The following LDLRAD4 variants were observed in gnomAD, a reference collection of about 807,000 sequenced individuals.
The protein encoded by LDLRAD4 is low-density lipoprotein receptor class A domain-containing protein 4.
Under a neutral mutation model 17.0 loss-of-function variants are expected in LDLRAD4, and 5 were observed. That is an observed-to-expected ratio of 0.29 (90% CI 0.15 to 0.62). The LOEUF is 0.62. Among genes scored for constraint, LDLRAD4 ranks in the 20% least tolerant of loss-of-function variants. The probability of loss-of-function intolerance (pLI) is 0.84; values close to 1 mark genes in which losing one functional copy is unlikely to be tolerated. For synonymous variants in LDLRAD4, 168 were observed against 171.8 expected (o/e 0.98, Z 0.17); for missense variants, 340 against 424.7 (o/e 0.80, Z 1.75).
intron 1 of LDLRAD4, among the ~76,000 whole-genome samples, chr18:13,361,414 A>C (rs1453558478): frequency 6.6e-6 from 1 of 152,180 alleles, no homozygotes; most frequent in Non-Finnish European, 1.5e-5. Flanking sequence ...AGAAGGGTAT[A>C]TATCTTTCCT....
intron 1 of LDLRAD4, among the ~76,000 whole-genome samples, chr18:13,306,665 C>T (rs1211904704): frequency 1.3e-5 from 2 of 152,316 alleles, no homozygotes; most frequent in East Asian, 1.9e-4. Flanking sequence ...GAAGGTGCCA[C>T]TGTTGTAACA....
At chr18:13,325,792 G>A (rs4797762) in intron 1 of LDLRAD4, among the ~76,000 whole-genome samples, 6 of 149,898 alleles carry the variant, frequency 4.0e-5, no homozygotes, top group East Asian at 3.9e-4. Flanking sequence ...TTGCTCTGTC[G>A]CCCAGGCTGG....
At chr18:13,488,629 T>C (rs1037885985) in intron 3 of LDLRAD4, 2 of 152,250 alleles carry the variant, frequency 1.3e-5, no homozygotes, top group African/African-American at 4.8e-5. Flanking sequence ...CTAGTTCTTG[T>C]TTCCCATCAC....
chr18:13,489,838 T>C (rs1600768140), intron 3 of LDLRAD4: 1 of 152,182 alleles, frequency 6.6e-6, no homozygotes, highest in East Asian at 1.9e-4. Context: ...TTTGCTGCTT[T>C]TAACACGAGT....
chr18:13,384,334 G>A (rs1182737940), intron 1 of LDLRAD4, among the ~76,000 whole-genome samples: 1 of 151,920 alleles, frequency 6.6e-6, no homozygotes, highest in Non-Finnish European at 1.5e-5. Context: ...GTAATGTTTT[G>A]GTATATGTAT....
chr18:13,608,488 A>G (rs1318390828), intron 3 of LDLRAD4, among the ~76,000 whole-genome samples: 1 of 152,066 alleles, frequency 6.6e-6, no homozygotes, highest in Non-Finnish European at 1.5e-5. Context: ...ACCACTCAGA[A>G]ATTTTTTTCT....
chr18:13,620,365 A>G (rs2040510849), intron 3 of LDLRAD4, among the ~76,000 whole-genome samples: 1 of 152,160 alleles, frequency 6.6e-6, no homozygotes, highest in South Asian at 2.1e-4. Context: ...ACATCACTGC[A>G]CGGTCAGTCA....
rs1245714325 is a variant in LDLRAD4, at chr18:13,257,651, C to G, written c.-466-20454C>G. Among the ~76,000 whole-genome samples the G allele has an allele frequency of 3.3e-5, 5 of 152,278 alleles. No individual in the cohort carries two copies. In the South Asian group the frequency reaches 1.0e-3, roughly 32 times the overall value. ...GTCTGGATGCTTTATAGCAGTGGCT[C>G]TCACCTGGGGGTGACTTTGTTCCCC... On this transcript the variant is annotated intron_variant, in intron 1 of 5. Transcript: ENST00000399848.
intron 3 of LDLRAD4, chr18:13,612,146 T>C: frequency 1.0e-6 from 1 of 986,104 alleles, no homozygotes; most frequent in Non-Finnish European, 1.2e-6. Context: ...ACTTGCAGAT[T>C]TCCTCCTTTC....
chr18:13,558,154 G>C (rs2094503652), intron 3 of LDLRAD4, among the ~76,000 whole-genome samples: 2 of 152,194 alleles, frequency 1.3e-5, no homozygotes, highest in Non-Finnish European at 2.9e-5. Context: ...ATCCAAGCTG[G>C]TTGAAATTCT....
chr18:13,389,202 G>A (rs1488095339), intron 2 of LDLRAD4, among the ~76,000 whole-genome samples: 2 of 152,200 alleles, frequency 1.3e-5, no homozygotes, highest in African/African-American at 4.8e-5. Flanking sequence ...TACTGTGTGT[G>A]CTTCAGCTGT....
chr18:13,624,229 A>G (rs1219167229), intron 4 of LDLRAD4, among the ~76,000 whole-genome samples: 6 of 152,138 alleles, frequency 3.9e-5, no homozygotes, highest in African/African-American at 1.4e-4. Flanking sequence ...TCACTGTAAA[A>G]GAGGCTGCCT....
chr18:13,262,731 C>T (rs867565810), intron 1 of LDLRAD4, among the ~76,000 whole-genome samples: 9 of 35,568 alleles, frequency 2.5e-4, no homozygotes, highest in South Asian at 2.3e-3. Flanking sequence ...CGTGCGGCTC[C>T]GTGCGTTGGG....
intron 2 of LDLRAD4, among the ~76,000 whole-genome samples, chr18:13,399,810 T>A (rs2087010605): frequency 6.6e-6 from 1 of 152,252 alleles, no homozygotes; most frequent in Admixed American, 6.5e-5. Context: ...AAGCCTCGGA[T>A]TCTTGAAGAT....
chr18:13,370,715 T>TTTTTTTTTTTTTG (rs1555663263), intron 1 of LDLRAD4, among the ~76,000 whole-genome samples: 39 of 121,002 alleles, frequency 3.2e-4, no homozygotes, highest in South Asian at 1.6e-3. Flanking sequence ...TTTGTTTTGT[T>TTTTTTTTTTTTTG]TTTTTTTTTT....
At chr18:13,357,786 A>G (rs2083434550) in intron 1 of LDLRAD4, among the ~76,000 whole-genome samples, 1 of 152,168 alleles carries the variant, frequency 6.6e-6, no homozygotes, top group African/African-American at 2.4e-5. Context: ...TTCATCTACC[A>G]TTTGGTTACC....
At chr18:13,376,651 A>G (rs950348603) in intron 1 of LDLRAD4, among the ~76,000 whole-genome samples, 2 of 152,068 alleles carry the variant, frequency 1.3e-5, no homozygotes, top group African/African-American at 4.8e-5. Context: ...AACTCAGCAC[A>G]CCCTCGGCGT....
intron 3 of LDLRAD4, chr18:13,472,671 G>C (rs373044986): frequency 7.2e-5 from 11 of 152,306 alleles, no homozygotes; most frequent in Admixed American, 2.0e-4. Flanking sequence ...GAAAGGTTAC[G>C]GAGAGACAGT....
Position 13,642,622 on chromosome 18 carries a change from C to T in LDLRAD4, c.337-737C>T, listed in dbSNP as rs533375744. ...GTCCACCTGCGAGCGCGGACTTGCG[C>T]CTCTGCTGGAGGCCGGGCAGGGCAC... On this transcript the variant is annotated intron_variant, in intron 4 of 5. Coordinates refer to ENST00000359446, the Ensembl canonical transcript of LDLRAD4. 2.4e-6 allele frequency: 3 copies of T among 1,230,748 alleles called. No individual in the cohort carries two copies. The East Asian group carries it at 9.5e-5, about 39-fold the overall frequency. The allele number at this position is 1,230,748 out of a possible 1,614,324, so 76.2% of individuals were successfully genotyped here.
Sources: gnomAD v4.1 joint callset for allele counts (sites outside exome capture counted in the v4.1 genomes callset) on GRCh38, gnomAD v4.1.1 for gene constraint, MANE v1.5 for transcripts, NCBI Gene and HGNC (gene_info 2026-07-23, HGNC 2026-07-21) for gene names.